The following TPD52L1 variants were observed in gnomAD, a reference collection of about 807,000 sequenced individuals.
TPD52L1 encodes the protein tumor protein D53.
In TPD52L1, 18 loss-of-function variants were observed where a neutral mutation model predicts 28.7. The observed-to-expected ratio is 0.63, with a 90% CI of 0.43 to 0.93. TPD52L1 has a LOEUF of 0.93. TPD52L1 is among the 40% of genes least tolerant of loss of function. The probability of loss-of-function intolerance (pLI) is 0.00; values close to 1 mark genes in which losing one functional copy is unlikely to be tolerated. For synonymous variants in TPD52L1, 75 were observed against 88.8 expected, an observed-to-expected ratio of 0.84 and a Z score of 0.88; for missense variants, 203 against 254.8, an observed-to-expected ratio of 0.80 and a Z score of 1.39.
intron 1 of TPD52L1, among the ~76,000 whole-genome samples, chr6:125,179,901 G>C (rs113747308): frequency 6.6e-6 from 1 of 152,298 alleles, no homozygotes; most frequent in Admixed American, 6.5e-5. Context: ...AAATTCAGGA[G>C]TGGTTTTTTA....
chr6:125,236,150 A>G (rs1796250388), intron 3 of TPD52L1, among the ~76,000 whole-genome samples: 1 of 152,146 alleles, frequency 6.6e-6, no homozygotes. Flanking sequence ...ATCATCTGTA[A>G]TCTGAAGGGA....
At chr6:125,168,428 C>A (rs1791051665) in intron 1 of TPD52L1, among the ~76,000 whole-genome samples, 1 of 152,098 alleles carries the variant, frequency 6.6e-6, no homozygotes, top group South Asian at 2.1e-4. Flanking sequence ...CTGAGACTCA[C>A]CTCAAGGGGG....
At chr6:125,257,406 C>G (rs1201104058) in intron 6 of TPD52L1, among the ~76,000 whole-genome samples, 1 of 152,200 alleles carries the variant, frequency 6.6e-6, no homozygotes, top group Non-Finnish European at 1.5e-5. Context: ...GCGTTTACCA[C>G]TTAATCTCTT....
intron 1 of TPD52L1, among the ~76,000 whole-genome samples, chr6:125,170,150 G>A (rs1259740166): frequency 6.6e-6 from 1 of 152,046 alleles, no homozygotes; most frequent in Non-Finnish European, 1.5e-5. Context: ...CACGTATTCT[G>A]ATCAAAGGTA....
rs1055495908 is a variant in TPD52L1, at chr6:125,195,350, A to G, written c.20-24728A>G. ...ACAACCCTGTGTGGCTCAGATCACA[A>G]TCACATCTCTCTCAAGGCTTAAAGT... On this transcript the variant is annotated intron_variant, in intron 1 of 6. Transcript: ENST00000534000. Among the ~76,000 whole-genome samples, 13 of 152,276 alleles carry G rather than the reference A, an allele frequency of 8.5e-5. No individual in the cohort carries two copies. In the South Asian group the frequency reaches 2.5e-3, roughly 29 times the overall value.
chr6:125,260,964 GAAAGAAAGAAAGA>G (rs1396006366), intron 6 of TPD52L1: 5 of 45,232 alleles, frequency 1.1e-4, no homozygotes, highest in African/African-American at 7.5e-4. Context: ...AAGAAAGAAA[GAAAGAAAGAAAGA>G]AAAGAAAAGA....
chr6:125,251,809 A>G (rs947113299), intron 4 of TPD52L1, among the ~76,000 whole-genome samples: 1 of 152,238 alleles, frequency 6.6e-6, no homozygotes, highest in Admixed American at 6.5e-5. Context: ...TCATTGTTAT[A>G]TACTTATAGG....
chr6:125,228,988 T>C, intron 2 of TPD52L1, 130 bp from the exon 3 acceptor site: 1 of 875,348 alleles, frequency 1.1e-6, no homozygotes, highest in Non-Finnish European at 1.7e-6. Context: ...TGGGGTGTAT[T>C]TGGCAAACCT....
Position 125,172,193 on chromosome 6 carries a change from C to CT in TPD52L1, c.19+18226dup, listed in dbSNP as rs1375183009. Among the ~76,000 whole-genome samples the CT allele has an allele frequency of 5.3e-5, 6 of 112,236 alleles. No individual in the cohort carries two copies. In the South Asian group the frequency reaches 1.7e-3, roughly 32 times the overall value. 73.6% of individuals were successfully genotyped at this position (112,236 alleles called of 152,430 possible). On this transcript the variant is annotated intron_variant, in intron 1 of 6. Coordinates refer to ENST00000534000, the MANE Select transcript of TPD52L1 (RefSeq NM_003287.4). ...TCTTTCTTTCTTTCTTTCTTTCTTT[C>CT]TTTCTTTCTTTCTTCTTTCTTTCTT...
intron 1 of TPD52L1, among the ~76,000 whole-genome samples, chr6:125,172,282 CTTCT>C (rs528513843): frequency 4.3e-4 from 58 of 134,100 alleles, no homozygotes; most frequent in Non-Finnish European, 7.7e-4. Context: ...TCCATCCTTC[CTTCT>C]TTCTTTCTTT....
At chr6:125,222,289 C>T (rs1795293444) in intron 2 of TPD52L1, among the ~76,000 whole-genome samples, 1 of 152,240 alleles carries the variant, frequency 6.6e-6, no homozygotes, top group Non-Finnish European at 1.5e-5. Flanking sequence ...GTCAGCCCCT[C>T]TGCCCCAATT....
At chr6:125,195,016 T>C (rs1247315695) in intron 1 of TPD52L1, among the ~76,000 whole-genome samples, 3 of 151,428 alleles carry the variant, frequency 2.0e-5, no homozygotes, top group African/African-American at 7.3e-5. Context: ...GACCAGGGAG[T>C]TTTTAGCAGG....
At chr6:125,197,194 C>G (rs1294071267) in intron 1 of TPD52L1, among the ~76,000 whole-genome samples, 2 of 152,180 alleles carry the variant, frequency 1.3e-5, no homozygotes, top group Admixed American at 6.5e-5. Flanking sequence ...AATAAGCCTC[C>G]TTGTATGAAC....
chr6:125,230,465 G>C (rs1176636432), intron 3 of TPD52L1, among the ~76,000 whole-genome samples: 1 of 152,126 alleles, frequency 6.6e-6, no homozygotes, highest in African/African-American at 2.4e-5. Context: ...GGAAGGTAAA[G>C]ATATTGCATT....
intron 3 of TPD52L1, among the ~76,000 whole-genome samples, chr6:125,237,952 G>A (rs1285321013): frequency 6.6e-6 from 1 of 152,130 alleles, no homozygotes; most frequent in African/African-American, 2.4e-5. Flanking sequence ...GAGCCACGAC[G>A]CCCAGGCTTG....
intron 2 of TPD52L1, among the ~76,000 whole-genome samples, chr6:125,228,896 T>A (rs77439665): frequency 2.6e-5 from 4 of 152,046 alleles, no homozygotes; most frequent in East Asian, 3.8e-4. Flanking sequence ...CTTTTTTTTT[T>A]AACAAGCAGC....
Position 125,173,974 on chromosome 6 carries a change from G to T in TPD52L1, c.19+20004G>T, listed in dbSNP as rs560058343. On this transcript the variant is annotated intron_variant, in intron 1 of 6. Coordinates refer to ENST00000534000, the MANE Select transcript of TPD52L1 (RefSeq NM_003287.4). ...TCTAGTGACAAAGAGCCTACATGTTGTCACAAAGATTTGGATTCATTTCCC... is the reference window on the plus strand; with the variant it reads ...TCTAGTGACAAAGAGCCTACATGTTTTCACAAAGATTTGGATTCATTTCCC... Among the ~76,000 whole-genome samples, 545 of 152,290 alleles carry T rather than the reference G, an allele frequency of 3.6e-3. 2 individuals are homozygous for T. Among genetic ancestry groups the T allele is most frequent in the Non-Finnish European group, 3.5e-3 (241 of 68,026 alleles).
At chr6:125,262,417 GA>G (rs1339614836) in intron 6 of TPD52L1, 1 of 153,080 alleles carries the variant, frequency 6.5e-6, no homozygotes, top group Non-Finnish European at 1.5e-5. Flanking sequence ...CTCCCAAGTA[GA>G]AAAATCTAAG....
chr6:125,178,626 A>G (rs1018371674), intron 1 of TPD52L1, among the ~76,000 whole-genome samples: 2 of 144,644 alleles, frequency 1.4e-5, no homozygotes, highest in African/African-American at 2.7e-5. Flanking sequence ...ATCTAAAAAC[A>G]AAACAAAACA....
Sources: allele counts gnomAD v4.1 joint callset (sites outside exome capture counted in the v4.1 genomes callset), GRCh38; gene constraint gnomAD v4.1.1; transcripts MANE v1.5; gene names NCBI Gene and HGNC (gene_info 2026-07-23, HGNC 2026-07-21).